The following VAV2 variants were observed in gnomAD, a reference collection of about 807,000 sequenced individuals.
VAV2 encodes the protein guanine nucleotide exchange factor VAV2.
A neutral mutation model predicts 132.5 loss-of-function variants in VAV2; 67 were observed. That is an observed-to-expected ratio of 0.51 (90% CI 0.42 to 0.62). VAV2 has a LOEUF of 0.62. Ranked by LOEUF, VAV2 falls within the 20% of genes least tolerant of loss-of-function variation. VAV2 has a pLI of 0.00. For synonymous variants in VAV2, 492 were observed against 443.5 expected, an observed-to-expected ratio of 1.11 and a Z score of -1.37; for missense variants, 938 against 1,153.6, an observed-to-expected ratio of 0.81 and a Z score of 2.71.
chr9:133,859,426 T>C (rs1423301889), intron 3 of VAV2, among the ~76,000 whole-genome samples: 1 of 152,100 alleles, frequency 6.6e-6, no homozygotes, highest in Non-Finnish European at 1.5e-5. Flanking sequence ...ACCACGCCAA[T>C]GCCAAGCCGG....
At chr9:133,902,422 C>T (rs1839480820) in intron 2 of VAV2, among the ~76,000 whole-genome samples, 1 of 152,198 alleles carries the variant, frequency 6.6e-6, no homozygotes, top group South Asian at 2.1e-4. Context: ...GCCTGAAATG[C>T]GGCCAGCACT....
chr9:133,863,512 T>C lies in VAV2; in HGVS notation c.322-2080A>G, dbSNP rs1169206285. On this transcript the variant is annotated intron_variant, in intron 2 of 29. Transcript: ENST00000371850. The surrounding 1 kb of genome is among the most constrained non-coding windows in gnomAD (Gnocchi z 5.0). ...AAGGCCAGAACATGGTTCTCCTGCG[T>C]CCATGCATCTGTGGCCCCTGTGGAC... is the stretch of plus-strand genomic sequence containing the variant. 5.9e-5 allele frequency among the ~76,000 whole-genome samples: 9 copies of C among 152,208 alleles called. No individual in the cohort carries two copies. In the East Asian group the frequency reaches 1.7e-3, roughly 29 times the overall value.
rs754327178 is a variant in VAV2, at chr9:133,771,930, G to A, written c.2223+29C>T. 4.4e-6 allele frequency: 7 copies of A among 1,607,810 alleles called. No homozygotes were observed. The South Asian group carries it at 5.5e-5, about 13-fold the overall frequency. The stretch of plus-strand genomic sequence containing the variant: ...GCACCTGTCCCCTGTGGCTGGGGTG[G>A]GAGCCGGCCGGAGCCAGAAGTCACC... On this transcript the variant is annotated intron_variant, in intron 26 of 29. Coordinates refer to ENST00000371850, the MANE Select transcript of VAV2 (RefSeq NM_001134398.2).
chr9:133,805,143 G>A (rs546837411), intron 9 of VAV2, among the ~76,000 whole-genome samples: 1 of 152,268 alleles, frequency 6.6e-6, no homozygotes, highest in African/African-American at 2.4e-5. Context: ...GGGTGATGCA[G>A]GGGACCCTCC....
intron 10 of VAV2, 66 bp from the exon 11 acceptor site, chr9:133,796,590 C>A: frequency 6.9e-7 from 1 of 1,446,680 alleles, no homozygotes; most frequent in Non-Finnish European, 9.4e-7. Flanking sequence ...CCACCTGTAC[C>A]CCCGCCCACA....
chr9:133,837,862 A>G (rs1242407614), intron 3 of VAV2, among the ~76,000 whole-genome samples: 1 of 152,134 alleles, frequency 6.6e-6, no homozygotes, highest in African/African-American at 2.4e-5. Flanking sequence ...CAGGAATGTT[A>G]AAGTCCAAAG....
chr9:133,774,848 C>T (rs374427832), intron 25 of VAV2, 87 bp downstream of exon 25: 106 of 1,228,468 alleles, frequency 8.6e-5, no homozygotes, highest in South Asian at 2.4e-4. Context: ...CCCAACCCCA[C>T]GAGCTCAGGA....
intron 19 of VAV2, among the ~76,000 whole-genome samples, chr9:133,782,135 A>G (rs1251744243): frequency 6.6e-6 from 1 of 152,188 alleles, no homozygotes; most frequent in African/African-American, 2.4e-5. Context: ...AAAGATTACA[A>G]AAAAAGAAAA....
At chr9:133,941,900 G>A (rs1466909504) in intron 1 of VAV2, among the ~76,000 whole-genome samples, 8 of 152,124 alleles carry the variant, frequency 5.3e-5, no homozygotes, top group South Asian at 2.1e-4. Context: ...CACCACGCCA[G>A]GCCGTGATTC....
chr9:133,974,991 T>C (rs1407620164), intron 1 of VAV2, among the ~76,000 whole-genome samples: 1 of 152,238 alleles, frequency 6.6e-6, no homozygotes, highest in Non-Finnish European at 1.5e-5. Flanking sequence ...TTCATGCCCC[T>C]GGCAGAACCC....
rs906981250 is a variant in VAV2, at chr9:133,884,473, C to T, written c.322-23041G>A. 2.6e-5 allele frequency among the ~76,000 whole-genome samples: 4 copies of T among 152,140 alleles called. No homozygotes were observed. Among genetic ancestry groups the T allele is most frequent in the Non-Finnish European group, 5.9e-5 (4 of 68,028 alleles). Reference sequence around the variant, plus strand: ...AATTAATTAGGGAGGGGGGTGCCAGCCTGGGGGGCGTGGTGGGGACTCCGC... The same window carrying T: ...AATTAATTAGGGAGGGGGGTGCCAGTCTGGGGGGCGTGGTGGGGACTCCGC... On this transcript the variant is annotated intron_variant, in intron 2 of 29. Transcript: ENST00000371850. This position sits in a 1 kb window ranked among gnomAD's most constrained non-coding sequence, Gnocchi z 5.3.
chr9:133,830,563 A>G (rs377669693), intron 4 of VAV2, among the ~76,000 whole-genome samples: 61 of 152,256 alleles, frequency 4.0e-4, no homozygotes, highest in Non-Finnish European at 7.4e-4. Context: ...TTCCACCATG[A>G]CTATAAGTTT....
At chr9:133,910,832 AAAAAAG>A (rs1554806969) in intron 2 of VAV2, among the ~76,000 whole-genome samples, 295 of 145,244 alleles carry the variant, frequency 2.0e-3, no homozygotes, top group Middle Eastern at 7.1e-3. Context: ...TCAAAAAAAA[AAAAAAG>A]AAAAAGAAAA....
In VAV2 at chr9:133,967,860, G is replaced by A. The variant is rs541641933; in HGVS notation, c.204+24215C>T. 1.4e-4 allele frequency among the ~76,000 whole-genome samples: 21 copies of A among 146,022 alleles called. No homozygotes were observed. The East Asian group carries it at 1.8e-3, about 13-fold the overall frequency. On this transcript the variant is annotated intron_variant, in intron 1 of 29. Transcript: ENST00000371850. The stretch of plus-strand genomic sequence containing the variant: ...AGGCAGGAGAATGGCTTGAACCCAC[G>A]AGGTGGAGGTCGCAGTGAGCCAAGA...
intron 1 of VAV2, among the ~76,000 whole-genome samples, chr9:133,976,022 C>T (rs1842493475): frequency 7.1e-6 from 1 of 141,692 alleles, no homozygotes; most frequent in Admixed American, 7.3e-5. Flanking sequence ...ATGGTAAAAC[C>T]CCATCTCTAC....
rs775217716 is a variant in VAV2 at position 133,935,507 on chromosome 9, C to T, written c.321+3596G>A. ...TCCACGGCAGGGACTGCAACAAATA[C>T]GCCCCGGCCCAGCAAGAGGTCCCCA... On this transcript the variant is annotated intron_variant, in intron 2 of 29. Coordinates refer to ENST00000371850, the MANE Select transcript of VAV2 (RefSeq NM_001134398.2). This position sits in a 1 kb window ranked among gnomAD's most constrained non-coding sequence, Gnocchi z 5.2. 2.0e-5 allele frequency among the ~76,000 whole-genome samples: 3 copies of T among 152,192 alleles called. No individual in the cohort carries two copies. Among genetic ancestry groups the T allele is most frequent in the South Asian group, 2.1e-4 (1 of 4,834 alleles).
chr9:133,780,041 G>T, intron 20 of VAV2, 102 bp from the exon 21 acceptor site: 1 of 1,505,938 alleles, frequency 6.6e-7, no homozygotes, highest in South Asian at 1.2e-5. Context: ...CTAGTTCCTA[G>T]ATAGAGGGGT....
At position 133,885,470 on chromosome 9, in the gene VAV2, C is replaced by T. The variant is rs1838665915; in HGVS notation, c.322-24038G>A. Among the ~76,000 whole-genome samples, 2 of 152,348 alleles carry T rather than the reference C, an allele frequency of 1.3e-5. No individual in the cohort carries two copies. Among genetic ancestry groups the T allele is most frequent in the South Asian group, 4.1e-4 (2 of 4,828 alleles). ...TCCAAGGGCACAGCGGTGGCCGGTA[C>T]TTCCTGAGGGCCTGCCACTGTGGAC... On this transcript the variant is annotated intron_variant, in intron 2 of 29. Coordinates refer to ENST00000371850, the MANE Select transcript of VAV2 (RefSeq NM_001134398.2). This position sits in a 1 kb window ranked among gnomAD's most constrained non-coding sequence, Gnocchi z 5.0.
In VAV2 at chr9:133,789,265, G is replaced by A; in HGVS notation, c.1267C>T (p.Gln423Ter). The change falls in exon 14 of 30, where the codon CAG becomes TAG. Residue 423 changes from glutamine to a stop codon, truncating the protein, a stop_gained. Transcript: ENST00000371850. LOFTEE classifies it high-confidence loss of function. ...KVRSIVNHTK[Q>*]DRYLFLFDKV... ...AACACGCGCCCTGCTCACCTGTCCT[G>A]CTTGGTGTGGTTGACTATGGACCGG... 6.2e-7 allele frequency: 1 copy of A among 1,614,138 alleles called. No individual in the cohort carries two copies. Among genetic ancestry groups the A allele is most frequent in the Non-Finnish European group, 8.5e-7 (1 of 1,180,030 alleles).
Sources: allele counts gnomAD v4.1 joint callset (sites outside exome capture counted in the v4.1 genomes callset), GRCh38; gene constraint gnomAD v4.1.1; non-coding constraint Gnocchi (gnomAD v3.1); transcripts MANE v1.5; gene names NCBI Gene and HGNC (gene_info 2026-07-23, HGNC 2026-07-21).